The following LRP4 variants were observed in gnomAD, a reference collection of about 807,000 sequenced individuals.
LRP4 encodes low-density lipoprotein receptor-related protein 4.
In LRP4, 95 loss-of-function variants were observed where a neutral mutation model predicts 220.3. That is an observed-to-expected ratio of 0.43 (90% CI 0.37 to 0.51). LRP4 has a LOEUF of 0.51. Among genes scored for constraint, LRP4 ranks in the 20% least tolerant of loss-of-function variants. The pLI is 0.00. For synonymous variants in LRP4, 903 were observed against 954.6 expected (o/e 0.95, Z 1.00); for missense variants, 1,925 against 2,567.0 (o/e 0.75, Z 5.40).
intron 34 of LRP4, among the ~76,000 whole-genome samples, chr11:46,865,578 C>T (rs1940674453): frequency 6.6e-6 from 1 of 152,020 alleles, no homozygotes; most frequent in Admixed American, 6.6e-5. Context: ...GCTAAATATC[C>T]CAAGGTCAAA....
chr11:46,888,572 A>AAAAAAAAAAAAAAAAAC, intron 16 of LRP4, among the ~76,000 whole-genome samples: 1 of 150,360 alleles, frequency 6.7e-6, no homozygotes, highest in Non-Finnish European at 1.5e-5. Flanking sequence ...AAAAAAAAAA[A>AAAAAAAAAAAAAAAAAC]AGAATGCAAG....
intron 30 of LRP4, among the ~76,000 whole-genome samples, chr11:46,872,164 G>C (rs1259008991): frequency 6.6e-6 from 1 of 152,192 alleles, no homozygotes; most frequent in Non-Finnish European, 1.5e-5. Flanking sequence ...GCTGCGGCAC[G>C]AGAATGGCTT....
intron 19 of LRP4, among the ~76,000 whole-genome samples, chr11:46,882,806 T>A (rs1245046387): frequency 1.3e-5 from 2 of 151,876 alleles, no homozygotes; most frequent in African/African-American, 4.8e-5. Context: ...CAGTGAGCCG[T>A]GATTTGCACC....
At chr11:46,915,333 G>C (rs932693946) in intron 1 of LRP4, among the ~76,000 whole-genome samples, 1 of 152,176 alleles carries the variant, frequency 6.6e-6, no homozygotes, top group Admixed American at 6.5e-5. Context: ...TTACCTGGAT[G>C]AGACCTCTAG....
chr11:46,895,908 T>C lies in LRP4; in HGVS notation c.1159A>G (p.Thr387Ala). Residue 387 changes from threonine to alanine, a missense_variant, in exon 10 of 38, where the codon ACA becomes GCA. Transcript: ENST00000378623. ...QCTCHTGYRL[T>A]EDGHTCQDVN... ...CCTTGGCACGTGTGCCCATCCTCTGTGAGCCGGTAGCCTGTGTGGCAGGTA... is the reference window on the plus strand; with the variant it reads ...CCTTGGCACGTGTGCCCATCCTCTGCGAGCCGGTAGCCTGTGTGGCAGGTA... 1 of 1,613,556 alleles carries C rather than the reference T, an allele frequency of 6.2e-7. No homozygotes were observed. The highest frequency in any genetic ancestry group is 8.5e-7 in the Non-Finnish European group (1 of 1,179,962).
chr11:46,873,270 G>T lies in LRP4; in HGVS notation c.4449-36C>A, dbSNP rs1940918031. On this transcript the variant is annotated intron_variant, in intron 29 of 37. Transcript: ENST00000378623. The surrounding 1 kb of genome is among the most constrained non-coding windows in gnomAD (Gnocchi z 4.2). Reference sequence around the variant, plus strand: ...ACAGTGCCATCATCATCAAGGCATGGGAAGACAGCACCCAGAGGTTGAGAG... The same window carrying T: ...ACAGTGCCATCATCATCAAGGCATGTGAAGACAGCACCCAGAGGTTGAGAG... 6.2e-7 allele frequency: 1 copy of T among 1,614,036 alleles called. No homozygotes were observed. The highest frequency in any genetic ancestry group is 8.5e-7 in the Non-Finnish European group (1 of 1,179,974).
chr11:46,862,328 T>C (rs900873933), intron 37 of LRP4, among the ~76,000 whole-genome samples: 12 of 152,098 alleles, frequency 7.9e-5, no homozygotes, highest in Admixed American at 7.2e-4. Context: ...CCTATAAGCT[T>C]GGAAAAATAT....
At position 46,886,137 on chromosome 11, in the gene LRP4, G is replaced by T. The variant is rs754024973; in HGVS notation, c.2460C>A (p.Gly820=). The change falls in exon 18 of 38, where the codon GGC becomes GGA. Residue 820 remains glycine (G), a synonymous_variant. Transcript: ENST00000378623. ...VVDTSLESPA[G]LAIDWVTNKL... ...TGTTGGTGACCCAATCAATGGCCAG[G>T]CCAGCTGGGCTCTCCAAACTGGTAT... 6.2e-7 allele frequency: 1 copy of T among 1,614,164 alleles called. No individual in the cohort carries two copies. The highest frequency in any genetic ancestry group is 8.5e-7 in the Non-Finnish European group (1 of 1,180,034).
At chr11:46,864,303 T>C in intron 36 of LRP4, 145 bp downstream of exon 36, 1 of 718,348 alleles carries the variant, frequency 1.4e-6, no homozygotes, top group Non-Finnish European at 2.5e-6. Flanking sequence ...TTTCCACCCT[T>C]TCCTTCTGCT....
chr11:46,866,703 G>A (rs1472644030), intron 34 of LRP4, among the ~76,000 whole-genome samples: 2 of 152,112 alleles, frequency 1.3e-5, no homozygotes, highest in Non-Finnish European at 2.9e-5. Context: ...TGGATCACTT[G>A]AGCCCAGAAG....
intron 16 of LRP4, 65 bp downstream of exon 16, chr11:46,889,346 C>A: frequency 6.2e-7 from 1 of 1,604,466 alleles, no homozygotes; most frequent in Non-Finnish European, 8.5e-7. Flanking sequence ...CACGTCCTAT[C>A]CCTTGTTCCT....
At position 46,899,838 on chromosome 11, in the gene LRP4, G is replaced by A. The variant is rs773696108; in HGVS notation, c.430+25C>T. ...AGGCCACCCACTGGCCACCTTGCCT[G>A]CCTTCCCCCGTTGGGGTCACCCACC... is the stretch of plus-strand genomic sequence containing the variant. On this transcript the variant is annotated intron_variant, in intron 4 of 37. Coordinates refer to ENST00000378623, the MANE Select transcript of LRP4 (RefSeq NM_002334.4). The surrounding 1 kb of genome is among the most constrained non-coding windows in gnomAD (Gnocchi z 5.9). The A allele has an allele frequency of 3.7e-6, 6 of 1,602,872 alleles. No homozygotes were observed. The highest frequency in any genetic ancestry group is 5.1e-6 in the Non-Finnish European group (6 of 1,170,682).
At chr11:46,904,105 G>T (rs1422271406) in intron 1 of LRP4, among the ~76,000 whole-genome samples, 1 of 152,224 alleles carries the variant, frequency 6.6e-6, no homozygotes, top group Non-Finnish European at 1.5e-5. Context: ...CCGCTGGGCT[G>T]CTCTGCTCGC....
At chr11:46,909,030 T>C (rs1365004474) in intron 1 of LRP4, among the ~76,000 whole-genome samples, 1 of 152,170 alleles carries the variant, frequency 6.6e-6, no homozygotes, top group East Asian at 1.9e-4. Flanking sequence ...AGTATTCTTC[T>C]CTTAGTGTGA....
intron 36 of LRP4, 64 bp from the exon 37 acceptor site, chr11:46,862,811 T>A: frequency 1.4e-6 from 2 of 1,481,134 alleles, no homozygotes; most frequent in East Asian, 4.6e-5. Flanking sequence ...CTGGGAAAGC[T>A]GTAAACTGAG....
chr11:46,896,167 G>T (rs923484710), intron 9 of LRP4, 43 bp downstream of exon 9: 3 of 1,611,452 alleles, frequency 1.9e-6, no homozygotes, highest in Admixed American at 3.3e-5. Flanking sequence ...GGTGGGGTTC[G>T]GCCACAAACC....
intron 1 of LRP4, among the ~76,000 whole-genome samples, chr11:46,910,311 T>C (rs555373981): frequency 6.6e-6 from 1 of 152,326 alleles, no homozygotes; most frequent in African/African-American, 2.4e-5. Flanking sequence ...AACCTCTTTA[T>C]ATATAATTTT....
In LRP4 at chr11:46,868,132, T is replaced by A; in HGVS notation, c.4952-18A>T. 6.2e-7 allele frequency: 1 copy of A among 1,613,818 alleles called. No individual in the cohort carries two copies. The highest frequency in any genetic ancestry group is 1.1e-5 in the South Asian group (1 of 91,066). Reference sequence around the variant, plus strand: ...GCCAGGCACTAGACAAAAAAGAGGATTGGAGTGGGCCACTGGAACCATAAA... The same window carrying A: ...GCCAGGCACTAGACAAAAAAGAGGAATGGAGTGGGCCACTGGAACCATAAA... On this transcript the variant is annotated intron_variant, in intron 33 of 37. Coordinates refer to ENST00000378623, the MANE Select transcript of LRP4 (RefSeq NM_002334.4).
chr11:46,905,384 C>T (rs1320502567), intron 1 of LRP4, among the ~76,000 whole-genome samples: 1 of 152,154 alleles, frequency 6.6e-6, no homozygotes, highest in Non-Finnish European at 1.5e-5. Flanking sequence ...ACACAGATCC[C>T]CTTCATGGGG....
Sources: allele counts gnomAD v4.1 joint callset (sites outside exome capture counted in the v4.1 genomes callset), GRCh38; gene constraint gnomAD v4.1.1; non-coding constraint Gnocchi (gnomAD v3.1); transcripts MANE v1.5; gene names NCBI Gene and HGNC (gene_info 2026-07-23, HGNC 2026-07-21).